Variants in COX7B2 observed in about 807,000 individuals in gnomAD.
COX7B2 encodes cytochrome c oxidase subunit 7B2.
For synonymous variants in COX7B2, 37 were observed against 32.1 expected, an observed-to-expected ratio of 1.15 and a Z score of -0.51; for missense variants, 109 against 95.9, an observed-to-expected ratio of 1.14 and a Z score of -0.57.
At position 46,883,111 on chromosome 4, in the gene COX7B2, A is replaced by G. The variant is rs1035028800; in HGVS notation, c.-105+26049T>C. Among the ~76,000 whole-genome samples, 188 of 152,232 alleles carry G rather than the reference A, an allele frequency of 1.2e-3. 4 individuals carry two copies. The highest frequency in any genetic ancestry group is 1.6e-3 in the Admixed American group (24 of 15,282). On this transcript the variant is annotated intron_variant, in intron 1 of 2. Transcript: ENST00000355591. ...TGAAAATAATCAAAACCAATTTAAT[A>G]TGTAAGACTGAATCATAGGTAAAGC...
At chr4:46,884,188 T>A (rs1352428746) in intron 1 of COX7B2, among the ~76,000 whole-genome samples, 1 of 149,908 alleles carries the variant, frequency 6.7e-6, no homozygotes, top group Admixed American at 6.8e-5. Context: ...TGGGGGGTGG[T>A]GGTGGTGTTT....
chr4:46,783,452 T>C (rs1717589572), intron 2 of COX7B2, among the ~76,000 whole-genome samples: 1 of 152,232 alleles, frequency 6.6e-6, no homozygotes, highest in African/African-American at 2.4e-5. Context: ...GCTAGGTCAC[T>C]GGTGGTAAGT....
chr4:46,768,767 T>C (rs1716699155), intron 2 of COX7B2, among the ~76,000 whole-genome samples: 1 of 151,896 alleles, frequency 6.6e-6, no homozygotes, highest in African/African-American at 2.4e-5. Context: ...TAGACAATAG[T>C]AAAGATCAAT....
rs35024713 is a variant in COX7B2 at position 46,907,848 on chromosome 4, CT to C, written c.-105+1311del. ...TATAAAAGATCAGAATTTGAGCAGA[CT>C]TTTTTTTTTTTTTTTTTTTTTTTGA... On this transcript the variant is annotated intron_variant, in intron 1 of 2. Transcript: ENST00000355591. Among the ~76,000 whole-genome samples the C allele has an allele frequency of 1.3e-3, 75 of 59,714 alleles. 1 individual carries two copies. Among genetic ancestry groups the C allele is most frequent in the South Asian group, 2.1e-3 (3 of 1,458 alleles). The allele number at this position is 59,714 out of a possible 152,430, so 39.2% of individuals were successfully genotyped here. A position where few individuals can be genotyped will look rare whatever the true frequency, so the allele number is the denominator to read the frequency against.
intron 1 of COX7B2, among the ~76,000 whole-genome samples, chr4:46,885,589 T>C (rs183220370): frequency 6.6e-6 from 1 of 152,278 alleles, no homozygotes; most frequent in African/African-American, 2.4e-5. Context: ...ACCTCCATGT[T>C]TGATATCAGA....
intron 1 of COX7B2, among the ~76,000 whole-genome samples, chr4:46,853,718 G>A (rs1029908232): frequency 2.0e-5 from 3 of 151,876 alleles, no homozygotes; most frequent in Non-Finnish European, 2.9e-5. Flanking sequence ...TTAACTGTTT[G>A]TTTATTAAGT....
At chr4:46,889,961 GA>G (rs1001904221) in intron 1 of COX7B2, among the ~76,000 whole-genome samples, 29 of 149,892 alleles carry the variant, frequency 1.9e-4, no homozygotes, top group African/African-American at 6.1e-4. Context: ...TATTATGAGG[GA>G]AAAAAAATGA....
intron 1 of COX7B2, among the ~76,000 whole-genome samples, chr4:46,902,106 T>C (rs917076060): frequency 1.3e-5 from 2 of 152,172 alleles, no homozygotes; most frequent in Admixed American, 6.5e-5. Flanking sequence ...CTATGAGCAA[T>C]GGGTTTTCCA....
intron 2 of COX7B2, among the ~76,000 whole-genome samples, chr4:46,780,784 AC>A (rs1278251484): frequency 6.6e-6 from 1 of 152,104 alleles, no homozygotes; most frequent in African/African-American, 2.4e-5. Flanking sequence ...CAACTGTTAA[AC>A]CTTTGTTTAT....
At chr4:46,855,572 A>C (rs1419122607) in intron 1 of COX7B2, among the ~76,000 whole-genome samples, 1 of 152,108 alleles carries the variant, frequency 6.6e-6, no homozygotes, top group East Asian at 1.9e-4. Context: ...AATAATATTA[A>C]TCTATGGTAA....
intron 1 of COX7B2, among the ~76,000 whole-genome samples, chr4:46,860,175 A>G (rs977520576): frequency 1.3e-5 from 2 of 152,186 alleles, no homozygotes; most frequent in South Asian, 4.1e-4. Flanking sequence ...CGAGGTGGCA[A>G]GGCAGTGAGA....
rs982278955 is a variant in COX7B2, at chr4:46,769,454, G to A, written c.-49-34213C>T. ...CACATTAAGAGTGGTGATTTTGGCC[G>A]GGCACGGTGGCTCACGCCTGTGATC... On this transcript the variant is annotated intron_variant, in intron 2 of 2. Transcript: ENST00000355591. Among the ~76,000 whole-genome samples the A allele has an allele frequency of 7.9e-5, 12 of 152,246 alleles. No individual in the cohort carries two copies. The East Asian group carries it at 1.2e-3, about 15-fold the overall frequency.
chr4:46,804,044 A>G lies in COX7B2; in HGVS notation c.-50+40916T>C, dbSNP rs928548304. ...CCTTCTGATGTTCGGATGTGTTTGG[A>G]GTTTCTTTTTTCTGGTGGGTTCGTG... is the stretch of plus-strand genomic sequence containing the variant. On this transcript the variant is annotated intron_variant, in intron 2 of 2. Transcript: ENST00000355591. 2.5e-4 allele frequency among the ~76,000 whole-genome samples: 38 copies of G among 151,630 alleles called. 1 individual carries two copies. The highest frequency in any genetic ancestry group is 2.5e-3 in the Admixed American group (38 of 15,234).
intron 2 of COX7B2, among the ~76,000 whole-genome samples, chr4:46,759,937 T>TAA (rs534223007): frequency 6.6e-6 from 1 of 151,500 alleles, no homozygotes; most frequent in Non-Finnish European, 1.5e-5. Flanking sequence ...TTATCTTATA[T>TAA]GTTATATAAG....
chr4:46,826,789 G>A lies in COX7B2; in HGVS notation c.-50+18171C>T, dbSNP rs773625589. Reference sequence around the variant, plus strand: ...AAAACCAAATACTGCATGTTCTCACGTATAAGTGGAAGTTAAATGACAAGA... The same window carrying A: ...AAAACCAAATACTGCATGTTCTCACATATAAGTGGAAGTTAAATGACAAGA... On this transcript the variant is annotated intron_variant, in intron 2 of 2. Coordinates refer to ENST00000355591, the MANE Select transcript of COX7B2 (RefSeq NM_130902.3). Among the ~76,000 whole-genome samples, 119 of 151,976 alleles carry A rather than the reference G, an allele frequency of 7.8e-4. 1 individual carries two copies. The highest frequency in any genetic ancestry group is 1.9e-4 in the East Asian group (1 of 5,198).
Position 46,907,848 on chromosome 4 carries a change from C to CTTTTTTTTTTTTTTT in COX7B2, c.-105+1297_-105+1311dup, listed in dbSNP as rs35024713. ...TATAAAAGATCAGAATTTGAGCAGA[C>CTTTTTTTTTTTTTTT]TTTTTTTTTTTTTTTTTTTTTTTTG... On this transcript the variant is annotated intron_variant, in intron 1 of 2. Coordinates refer to ENST00000355591, the MANE Select transcript of COX7B2 (RefSeq NM_130902.3). 3.7e-4 allele frequency among the ~76,000 whole-genome samples: 22 copies of CTTTTTTTTTTTTTTT among 59,718 alleles called. 3 individuals are homozygous for CTTTTTTTTTTTTTTT. Among genetic ancestry groups the CTTTTTTTTTTTTTTT allele is most frequent in the African/African-American group, 8.3e-4 (13 of 15,720 alleles). 39.2% of individuals were successfully genotyped at this position (59,718 alleles called of 152,430 possible). A position where few individuals can be genotyped will look rare whatever the true frequency, so the allele number is the denominator to read the frequency against.
chr4:46,867,798 T>C (rs998621507), intron 1 of COX7B2, among the ~76,000 whole-genome samples: 2 of 152,238 alleles, frequency 1.3e-5, no homozygotes, highest in Non-Finnish European at 1.5e-5. Flanking sequence ...GGTTTTCACA[T>C]TGATGTTCAT....
At chr4:46,840,245 C>G (rs190734409) in intron 2 of COX7B2, among the ~76,000 whole-genome samples, 5 of 152,076 alleles carry the variant, frequency 3.3e-5, no homozygotes, top group African/African-American at 1.2e-4. Flanking sequence ...ATCAATAAGG[C>G]AGGACTTTCC....
chr4:46,846,564 G>T (rs531125481), intron 1 of COX7B2, among the ~76,000 whole-genome samples: 4 of 152,082 alleles, frequency 2.6e-5, no homozygotes, highest in African/African-American at 7.2e-5. Flanking sequence ...GAGTGTTCCA[G>T]TAAAAGGGAA....
Sources: allele counts gnomAD v4.1 joint callset (sites outside exome capture counted in the v4.1 genomes callset), GRCh38; gene constraint gnomAD v4.1.1; transcripts MANE v1.5; gene names NCBI Gene and HGNC (gene_info 2026-07-23, HGNC 2026-07-21).